The following ZNF883 variants were observed in gnomAD, a reference collection of about 807,000 sequenced individuals.
ZNF883 encodes the protein zinc finger protein 883.
upstream of ZNF883, chr9:112,998,702 C>T (rs1490497713): frequency 6.6e-6 from 1 of 152,622 alleles, no homozygotes; most frequent in Non-Finnish European, 1.5e-5. Context: ...GTACTACCCA[C>T]CCATTTGTCA....
chr9:113,000,610 A>T (rs762343151), upstream of ZNF883, among the ~76,000 whole-genome samples: 9 of 152,164 alleles, frequency 5.9e-5, no homozygotes, highest in African/African-American at 1.9e-4. Context: ...ATTATAGGGA[A>T]TTTTTACAAA....
intron 2 of ZNF883, among the ~76,000 whole-genome samples, chr9:113,008,034 C>T (rs1463500204): frequency 6.6e-6 from 1 of 151,764 alleles, no homozygotes; most frequent in Non-Finnish European, 1.5e-5. Context: ...CTTGAAAGGG[C>T]AATGAGCCAT....
chr9:112,996,028 C>T (rs1463072537), downstream of ZNF883, among the ~76,000 whole-genome samples: 1 of 151,972 alleles, frequency 6.6e-6, no homozygotes, highest in Admixed American at 6.6e-5. Flanking sequence ...TTTCTGAATT[C>T]AATGTATAAT....
At position 112,997,739 on chromosome 9, in the gene ZNF883, A is replaced by G. The variant is rs573246708; in HGVS notation, n.521T>C. 10 of 1,613,942 alleles carry G rather than the reference A, an allele frequency of 6.2e-6. No homozygotes were observed. In the Admixed American group the frequency reaches 1.7e-4, roughly 27 times the overall value. ...CTGGTAGGATTTTTCCTCAGAATGA[A>G]TTCCCTGATGTTCAATTAGGTGTGT... On this transcript the variant is annotated non_coding_transcript_exon_variant, in exon 1 of 1. Transcript: ENST00000639662.
At chr9:113,003,532 G>GT (rs1393318424) in intron 2 of ZNF883, among the ~76,000 whole-genome samples, 2 of 151,264 alleles carry the variant, frequency 1.3e-5, no homozygotes, top group Non-Finnish European at 2.9e-5. Context: ...TTAAAAATGA[G>GT]TATAGGGGCT....
intron 2 of ZNF883, among the ~76,000 whole-genome samples, chr9:113,007,548 G>A (rs946157888): frequency 6.6e-6 from 1 of 152,168 alleles, no homozygotes; most frequent in East Asian, 1.9e-4. Context: ...AATTAGCTGT[G>A]AGTATCCTAA....
rs1587899059 is a variant in ZNF883, at chr9:113,011,191, A to T, written n.115T>A. On this transcript the variant is annotated non_coding_transcript_exon_variant, in exon 2 of 5. An upstream start codon of the reference 5' UTR is lost. Coordinates refer to the ZNF883 transcript ENST00000638622. ...TGGTCAGGTCCTTCTTCTTGATGCC[A>T]TCTTATATAAGTAAGTAGAGACCTG... 1 of 152,304 alleles carries T rather than the reference A, an allele frequency of 6.6e-6. No homozygotes were observed. The highest frequency in any genetic ancestry group is 6.5e-5 in the Admixed American group (1 of 15,292). 9.4% of individuals were successfully genotyped at this position (152,304 alleles called of 1,614,324 possible).
chr9:112,997,478 C>G, exon 1 of ZNF883: 1 of 1,614,116 alleles, frequency 6.2e-7, no homozygotes, highest in Non-Finnish European at 8.5e-7. Flanking sequence ...GGGCTTCTCT[C>G]CAGTATGAGT....
intron 2 of ZNF883, among the ~76,000 whole-genome samples, chr9:113,009,514 CTT>C (rs72131069): frequency 4.8e-5 from 7 of 145,002 alleles, no homozygotes; most frequent in Non-Finnish European, 6.1e-5. Flanking sequence ...GCTCATATTC[CTT>C]TTTTTTTTTT....
chr9:113,011,051 T>C (rs976468987), intron 2 of ZNF883, 90 bp downstream of exon 2: 9 of 151,920 alleles, frequency 5.9e-5, no homozygotes, highest in African/African-American at 1.7e-4. Context: ...AAGGGACGTT[T>C]AATTGCATAT....
Position 112,997,472 on chromosome 9 carries a change from T to G in ZNF883, n.788A>C, listed in dbSNP as rs1191200987. ...TCCACATTCTTTACAAACATAGGGC[T>G]TCTCTCCAGTATGAGTTCTCTGGTG... On this transcript the variant is annotated non_coding_transcript_exon_variant, in exon 1 of 1. Transcript: ENST00000639662. The G allele has an allele frequency of 2.5e-6, 4 of 1,614,168 alleles. No individual in the cohort carries two copies. In the South Asian group the frequency reaches 3.3e-5, roughly 13 times the overall value.
exon 1 of ZNF883, chr9:112,997,382 T>C (rs370348238): frequency 1.2e-6 from 2 of 1,614,016 alleles, no homozygotes; most frequent in African/African-American, 1.3e-5. Context: ...ATTACATTGA[T>C]AGGGTTTCAC....
exon 1 of ZNF883, chr9:112,997,783 T>A: frequency 6.2e-7 from 1 of 1,613,776 alleles, no homozygotes; most frequent in Non-Finnish European, 8.5e-7. Context: ...TGAAGGTTTT[T>A]CCACATTCAG....
intron 1 of ZNF883, among the ~76,000 whole-genome samples, chr9:112,988,893 G>A (rs1028271224): frequency 8.3e-6 from 1 of 120,244 alleles, no homozygotes; most frequent in Non-Finnish European, 1.7e-5. Context: ...TAGTGATGTT[G>A]GTTTTTTTTT....
At chr9:113,000,167 G>A (rs1828409563), upstream of ZNF883, among the ~76,000 whole-genome samples, 1 of 152,130 alleles carries the variant, frequency 6.6e-6, no homozygotes, top group Non-Finnish European at 1.5e-5. Flanking sequence ...AGAAATGGTA[G>A]CTTTGAGACA....
At chr9:113,006,897 T>TAA (rs68164885) in intron 2 of ZNF883, among the ~76,000 whole-genome samples, 13 of 82,270 alleles carry the variant, frequency 1.6e-4, no homozygotes, top group Middle Eastern at 0.012. Flanking sequence ...TGGTAATTTT[T>TAA]TAAAAAAAAA....
At chr9:112,993,856 C>T (rs1304263856), downstream of ZNF883, among the ~76,000 whole-genome samples, 1 of 152,216 alleles carries the variant, frequency 6.6e-6, no homozygotes, top group African/African-American at 2.4e-5. Context: ...CTGTGCTGTG[C>T]TGTGGGCAAT....
At chr9:112,988,355 T>A (rs921548109) in intron 1 of ZNF883, among the ~76,000 whole-genome samples, 1 of 152,034 alleles carries the variant, frequency 6.6e-6, no homozygotes, top group Non-Finnish European at 1.5e-5. Flanking sequence ...TGTCCATGTG[T>A]TCTCATTGTT....
chr9:112,993,070 A>G (rs1036288641), downstream of ZNF883, among the ~76,000 whole-genome samples: 4 of 152,224 alleles, frequency 2.6e-5, no homozygotes, highest in African/African-American at 9.7e-5. Context: ...TACTTCTGTC[A>G]ATTCATCCAT....
Sources: allele counts gnomAD v4.1 joint callset (sites outside exome capture counted in the v4.1 genomes callset), GRCh38; gene constraint gnomAD v4.1.1; transcripts MANE v1.5; gene names NCBI Gene and HGNC (gene_info 2026-07-23, HGNC 2026-07-21).